The following AQR variants were observed in gnomAD, a reference collection of about 807,000 sequenced individuals.
The protein encoded by AQR is RNA helicase aquarius.
AQR carries 61 observed loss-of-function variants against 180.5 expected under a neutral mutation model. The ratio of observed to expected loss-of-function variants is 0.34; its 90% CI spans 0.28 to 0.42. The LOEUF is 0.42. Ranked by LOEUF, AQR falls within the 10% of genes least tolerant of loss-of-function variation. The pLI, the probability that AQR is intolerant of heterozygous loss-of-function variation, is 1.00. For missense variants in AQR, 1,281 were observed against 1,798.3 expected (o/e 0.71, Z 5.20); for synonymous variants, 551 against 588.8 (o/e 0.94, Z 0.93).
chr15:34,901,001 A>G (rs1893324499), intron 19 of AQR, 138 bp from the exon 20 acceptor site: 1 of 1,144,528 alleles, frequency 8.7e-7, no homozygotes, highest in African/African-American at 1.6e-5. Context: ...GCTGGCTGAC[A>G]GGTGCTTGGC....
intron 1 of AQR, among the ~76,000 whole-genome samples, chr15:34,966,128 T>C (rs747638481): frequency 2.4e-4 from 37 of 152,270 alleles, no homozygotes; most frequent in Non-Finnish European, 4.3e-4. Flanking sequence ...TATGACAGTA[T>C]AAACTGTTTA....
chr15:34,884,496 G>C (rs1156571606), intron 26 of AQR, 29 bp downstream of exon 26: 1 of 1,466,728 alleles, frequency 6.8e-7, no homozygotes, highest in South Asian at 1.3e-5. Flanking sequence ...ACCACTAAAG[G>C]GAAGTTCAAA....
intron 13 of AQR, 124 bp downstream of exon 13, chr15:34,926,911 C>A: frequency 2.1e-6 from 1 of 483,668 alleles, no homozygotes; most frequent in Non-Finnish European, 3.5e-6. Flanking sequence ...TAGACGTCAA[C>A]GAAGAGTGAA....
In AQR at chr15:34,922,082, G is replaced by A. The variant is rs945233874; in HGVS notation, c.1119-1648C>T. Among the ~76,000 whole-genome samples the A allele has an allele frequency of 1.1e-4, 17 of 152,288 alleles. 1 individual carries two copies. Among genetic ancestry groups the A allele is most frequent in the Admixed American group, 7.8e-4 (12 of 15,300 alleles). On this transcript the variant is annotated intron_variant, in intron 13 of 34. Coordinates refer to ENST00000156471, the MANE Select transcript of AQR (RefSeq NM_014691.3). ...CTGCCTTGGCCTCCCAAAGTGCTGG[G>A]ATTACAGGTGTGAGCCACCATGCCT... is the stretch of plus-strand genomic sequence containing the variant.
At position 34,854,850 on chromosome 15, in the gene AQR, T is replaced by C. The variant is rs759950979; in HGVS notation, c.*1942A>G. On this transcript the variant is annotated 3_prime_UTR_variant, in exon 35 of 35. Coordinates refer to ENST00000156471, the MANE Select transcript of AQR (RefSeq NM_014691.3). ...TTTTGGTTGCAGGTATCATACCTCA[T>C]ATCCCCTAAGGGAGAGAGAAAAATC... 8 of 152,216 alleles carry C rather than the reference T, an allele frequency of 5.3e-5. No individual in the cohort carries two copies. Among genetic ancestry groups the C allele is most frequent in the Non-Finnish European group, 8.8e-5 (6 of 68,034 alleles). The allele number at this position is 152,216 out of a possible 1,614,324, so 9.4% of individuals were successfully genotyped here.
intron 32 of AQR, among the ~76,000 whole-genome samples, chr15:34,864,549 A>C (rs1467630224): frequency 6.6e-6 from 1 of 152,220 alleles, no homozygotes; most frequent in Non-Finnish European, 1.5e-5. Context: ...ACACTGCTAG[A>C]AATACCTAGC....
Position 34,932,961 on chromosome 15 carries a change from AAAAG to A in AQR, c.784-531_784-528del, listed in dbSNP as rs778073783. Among the ~76,000 whole-genome samples the A allele has an allele frequency of 3.9e-5, 6 of 152,332 alleles. No homozygotes were observed. The East Asian group carries it at 7.7e-4, about 20-fold the overall frequency. On this transcript the variant is annotated intron_variant, in intron 10 of 34. Transcript: ENST00000156471. The stretch of plus-strand genomic sequence containing the variant: ...ACAGAGCAAGACTGTCTCAGAAAAA[AAAAG>A]AAAGAAAGAAAATCTAGCACTAAGG...
At chr15:34,934,685 G>T in intron 9 of AQR, 50 bp from the exon 10 acceptor site, 2 of 1,303,306 alleles carry the variant, frequency 1.5e-6, no homozygotes, top group Non-Finnish European at 2.1e-6. Flanking sequence ...AGGCCATTTT[G>T]CATGCTGTTT....
intron 11 of AQR, among the ~76,000 whole-genome samples, chr15:34,930,850 G>T (rs60185261): frequency 0.19 from 5,088 of 27,170 alleles, 271 homozygotes; most frequent in African/African-American, 0.22. Context: ...TTTTTTTTTT[G>T]GTCTGAGACG....
chr15:34,964,350 A>C, intron 1 of AQR, 60 bp from the exon 2 acceptor site: 2 of 1,362,814 alleles, frequency 1.5e-6, no homozygotes, highest in South Asian at 1.2e-5. Flanking sequence ...GAGCTGGAAG[A>C]CAGATCATTT....
intron 7 of AQR, 51 bp from the exon 8 acceptor site, chr15:34,941,050 G>C (rs1894014933): frequency 7.7e-7 from 1 of 1,293,132 alleles, no homozygotes; most frequent in Non-Finnish European, 1.1e-6. Context: ...AGTTTACAAG[G>C]ATAAGGATTA....
chr15:34,915,567 G>C (rs1893569766), intron 15 of AQR, among the ~76,000 whole-genome samples: 1 of 151,970 alleles, frequency 6.6e-6, no homozygotes, highest in South Asian at 2.1e-4. Context: ...TCTAATGAAT[G>C]CCTGAAATGC....
At position 34,910,321 on chromosome 15, in the gene AQR, C is replaced by A. The variant is rs1198098633; in HGVS notation, c.1485-8G>T. 4.3e-6 allele frequency: 7 copies of A among 1,609,460 alleles called. No individual in the cohort carries two copies. The highest frequency in any genetic ancestry group is 5.9e-6 in the Non-Finnish European group (7 of 1,176,672). On this transcript the variant is annotated splice_polypyrimidine_tract_variant and splice_region_variant and intron_variant, in intron 16 of 34. Coordinates refer to ENST00000156471, the MANE Select transcript of AQR (RefSeq NM_014691.3). ...CCGCCATATTCAGATTGCCTGAAACCAAAGAAATGGATGATTACTCAAACA... is the reference window on the plus strand; with the variant it reads ...CCGCCATATTCAGATTGCCTGAAACAAAAGAAATGGATGATTACTCAAACA...
intron 27 of AQR, among the ~76,000 whole-genome samples, chr15:34,876,514 A>C (rs1442005868): frequency 6.6e-6 from 1 of 151,968 alleles, no homozygotes; most frequent in Non-Finnish European, 1.5e-5. Flanking sequence ...AAAACTCTTG[A>C]GTCTATTCAT....
At chr15:34,910,044 A>G in intron 17 of AQR, 91 bp downstream of exon 17, 1 of 1,430,160 alleles carries the variant, frequency 7.0e-7, no homozygotes, top group Non-Finnish European at 9.7e-7. Flanking sequence ...GCTTTAAAGG[A>G]TAACATTTAG....
intron 2 of AQR, among the ~76,000 whole-genome samples, chr15:34,961,612 CAAAAAAAA>C (rs1178777471): frequency 3.7e-5 from 1 of 26,860 alleles, no homozygotes; most frequent in Non-Finnish European, 6.7e-5. Flanking sequence ...GACTCCATCT[CAAAAAAAA>C]AAAAAAAAAA....
chr15:34,893,640 C>T lies in AQR; in HGVS notation c.2571+23G>A, dbSNP rs572074532. The T allele has an allele frequency of 3.2e-6, 5 of 1,577,556 alleles. No individual in the cohort carries two copies. In the African/African-American group the frequency reaches 7.7e-5, roughly 24 times the overall value. On this transcript the variant is annotated intron_variant, in intron 23 of 34. Transcript: ENST00000156471. ...ACACACACACACACACACACACACA[C>T]ACACACACACACAGTCATTTACCTG...
chr15:34,947,199 C>G (rs1211951014), intron 5 of AQR, among the ~76,000 whole-genome samples: 2 of 151,670 alleles, frequency 1.3e-5, no homozygotes, highest in East Asian at 3.9e-4. Flanking sequence ...TCCTGTTGAT[C>G]GGTGACCTTA....
chr15:34,906,892 T>C (rs1893427165), intron 17 of AQR, among the ~76,000 whole-genome samples, 180 bp from the exon 18 acceptor site: 2 of 152,202 alleles, frequency 1.3e-5, no homozygotes, highest in South Asian at 2.1e-4. Context: ...TAATACTCAA[T>C]ATTTCATAGC....
Sources: gnomAD v4.1 joint callset for allele counts (sites outside exome capture counted in the v4.1 genomes callset) on GRCh38, gnomAD v4.1.1 for gene constraint, MANE v1.5 for transcripts, NCBI Gene and HGNC (gene_info 2026-07-23, HGNC 2026-07-21) for gene names.